ATP8B2: variants seen among roughly 807,000 people sequenced by gnomAD.
ATP8B2 encodes the protein ATPase phospholipid transporting 8B2, also known as phospholipid-transporting ATPase ID.
A neutral mutation model predicts 133.4 loss-of-function variants in ATP8B2; 70 were observed. The ratio of observed to expected loss-of-function variants is 0.52; its 90% CI spans 0.43 to 0.64. ATP8B2 has a LOEUF of 0.64. ATP8B2 is among the 30% of genes least tolerant of loss of function. ATP8B2 has a pLI of 0.00. For synonymous variants in ATP8B2, 517 were observed against 589.5 expected (o/e 0.88, Z 1.78); for missense variants, 1,101 against 1,535.7 (o/e 0.72, Z 4.73).
At position 154,343,859 on chromosome 1, in the gene ATP8B2, C is replaced by T. The variant is rs1686484428; in HGVS notation, c.1759-34C>T. 1 of 1,578,150 alleles carries T rather than the reference C, an allele frequency of 6.3e-7. No homozygotes were observed. Among genetic ancestry groups the T allele is most frequent in the Non-Finnish European group, 8.6e-7 (1 of 1,162,400 alleles). On this transcript the variant is annotated intron_variant, in intron 17 of 27. Transcript: ENST00000368489. The surrounding 1 kb of genome is among the most constrained non-coding windows in gnomAD (Gnocchi z 5.8). ...TCACGCTGTCCATTAGCTCTCCAGACTTACCCAGGTGTGCCTTTCCACTCT... is the reference window on the plus strand; with the variant it reads ...TCACGCTGTCCATTAGCTCTCCAGATTTACCCAGGTGTGCCTTTCCACTCT...
chr1:154,330,437 G>A lies in ATP8B2; in HGVS notation c.73G>A (p.Glu25Lys), dbSNP rs1304333023. The A allele has an allele frequency of 6.2e-7, 1 of 1,604,304 alleles. No individual in the cohort carries two copies. Among genetic ancestry groups the A allele is most frequent in the Non-Finnish European group, 8.5e-7 (1 of 1,174,840 alleles). ...RARANDREYNEKFQYASNCIK... is the reference protein window; with the variant it reads ...RARANDREYNKKFQYASNCIK... ...GCGGGCTAATGACCGAGAATACAATGAGAAATTCCAGTATGCGGTAAGCGA... is the reference window on the plus strand; with the variant it reads ...GCGGGCTAATGACCGAGAATACAATAAGAAATTCCAGTATGCGGTAAGCGA... The change falls in exon 3 of 28, where the codon GAG (glutamate) becomes AAG (lysine). Residue 25 changes from glutamate to lysine, a missense_variant. Physicochemically the swap from Glu to Lys is moderately conservative, Grantham distance 56. Coordinates refer to ENST00000368489, the MANE Select transcript of ATP8B2 (RefSeq NM_001370597.1).
Position 154,344,758 on chromosome 1 carries a change from C to T in ATP8B2, c.2259C>T (p.Tyr753=), listed in dbSNP as rs757088821. ...TCCTGGAGGCCGTTGCTGGGGAGTA[C>T]GCCCTGGTCATAAATGGTCACAGCC... is the stretch of plus-strand genomic sequence containing the variant. The part of the protein sequence containing the change: ...TSVLEAVAGE[Y]ALVINGHSLA... The change falls in exon 21 of 28, where the codon TAC becomes TAT. Residue 753 remains tyrosine (Y), a synonymous_variant. Transcript: ENST00000368489. This position sits in a 1 kb window ranked among gnomAD's most constrained non-coding sequence, Gnocchi z 4.1. 19 of 1,604,964 alleles carry T rather than the reference C, an allele frequency of 1.2e-5. No individual in the cohort carries two copies. Among genetic ancestry groups the T allele is most frequent in the South Asian group, 2.2e-5 (2 of 90,872 alleles).
At position 154,331,501 on chromosome 1, in the gene ATP8B2, G is replaced by A. The variant is rs1397256524; in HGVS notation, c.361G>A (p.Gly121Arg). ...NNRQSQVLINGILQQEQWMNV... is the reference protein window; with the variant it reads ...NNRQSQVLINRILQQEQWMNV... The stretch of plus-strand genomic sequence containing the variant: ...CCGCCAGTCTCAGGTGCTGATCAAT[G>A]GAATGTGAGTGCCTGTTGGAGACAA... Residue 121 changes from glycine (G) to arginine (R), a missense_variant, in exon 6 of 28, where the codon GGA becomes AGA. Coordinates refer to ENST00000368489, the MANE Select transcript of ATP8B2 (RefSeq NM_001370597.1). This position sits in a 1 kb window ranked among gnomAD's most constrained non-coding sequence, Gnocchi z 4.8. The A allele has an allele frequency of 1.9e-6, 3 of 1,614,030 alleles. No homozygotes were observed. Among genetic ancestry groups the A allele is most frequent in the Non-Finnish European group, 2.5e-6 (3 of 1,180,022 alleles).
Position 154,350,815 on chromosome 1 carries a change from TC to T in ATP8B2, c.*1698del, listed in dbSNP as rs1384686507. 1 of 152,384 alleles carries T rather than the reference TC, an allele frequency of 6.6e-6. No homozygotes were observed. The highest frequency in any genetic ancestry group is 1.5e-5 in the Non-Finnish European group (1 of 68,030). The allele number at this position is 152,384 out of a possible 1,614,324, so 9.4% of individuals were successfully genotyped here. A position where few individuals can be genotyped will look rare whatever the true frequency, so the allele number is the denominator to read the frequency against. ...AGCCTTGAGAAGAATCCTTTCCTCT[TC>T]TTTGATAGTGGGTCGGGGGATTCTT... On this transcript the variant is annotated 3_prime_UTR_variant, in exon 28 of 28. Transcript: ENST00000368489.
rs1685947501 is a variant in ATP8B2 at position 154,330,513 on chromosome 1, G to A, written c.90+59G>A. 2.5e-6 allele frequency: 4 copies of A among 1,575,684 alleles called. No individual in the cohort carries two copies. The Admixed American group carries it at 5.1e-5, about 20-fold the overall frequency. ...TGTTTGGAGAGGGGAATGGGGCAAG[G>A]ACAACCTACCGTTGGGACTGAGGGC... is the stretch of plus-strand genomic sequence containing the variant. On this transcript the variant is annotated intron_variant, in intron 3 of 27. Coordinates refer to ENST00000368489, the MANE Select transcript of ATP8B2 (RefSeq NM_001370597.1).
In ATP8B2 at chr1:154,334,061, G is replaced by A; in HGVS notation, c.590-46G>A. 6.2e-7 allele frequency: 1 copy of A among 1,603,508 alleles called. No individual in the cohort carries two copies. Among genetic ancestry groups the A allele is most frequent in the East Asian group, 2.2e-5 (1 of 44,718 alleles). ...CTTTGTTTTATTGTCTTGTGGTTAGGCTGTAGACTGGACCTTAAGCAGTGG... is the reference window on the plus strand; with the variant it reads ...CTTTGTTTTATTGTCTTGTGGTTAGACTGTAGACTGGACCTTAAGCAGTGG... On this transcript the variant is annotated intron_variant, in intron 9 of 27. Transcript: ENST00000368489. The surrounding 1 kb of genome is among the most constrained non-coding windows in gnomAD (Gnocchi z 4.6).
intron 1 of ATP8B2, 176 bp from the exon 2 acceptor site, chr1:154,327,929 G>T: frequency 6.4e-7 from 1 of 1,562,278 alleles, no homozygotes; most frequent in Middle Eastern, 1.7e-4. Flanking sequence ...GAGGTGGTGG[G>T]GAAGTCCCCT....
chr1:154,335,822 G>A (rs1376876272), intron 11 of ATP8B2, among the ~76,000 whole-genome samples: 1 of 151,784 alleles, frequency 6.6e-6, no homozygotes, highest in Non-Finnish European at 1.5e-5. Flanking sequence ...GGTGGATCAC[G>A]AGGTCAAGAG....
intron 11 of ATP8B2, among the ~76,000 whole-genome samples, chr1:154,337,037 A>T (rs1254348269): frequency 2.0e-5 from 3 of 151,434 alleles, no homozygotes; most frequent in Non-Finnish European, 4.4e-5. Context: ...ACCTCAGGTG[A>T]TCCATCCGCC....
rs1686663994 is a variant in ATP8B2, at chr1:154,348,388, T to C, written c.3164-20T>C. ...TCTGCCTCGTGACTCCCAAGGCCAC[T>C]GACTCCTCTTCATCCCCAGGGAATG... On this transcript the variant is annotated intron_variant, in intron 26 of 27. Coordinates refer to ENST00000368489, the MANE Select transcript of ATP8B2 (RefSeq NM_001370597.1). The C allele has an allele frequency of 1.3e-6, 2 of 1,590,932 alleles. No individual in the cohort carries two copies. Among genetic ancestry groups the C allele is most frequent in the Admixed American group, 1.7e-5 (1 of 59,372 alleles).
intron 11 of ATP8B2, among the ~76,000 whole-genome samples, chr1:154,335,998 C>T (rs1434889099): frequency 2.1e-5 from 3 of 144,960 alleles, no homozygotes; most frequent in East Asian, 4.2e-4. Flanking sequence ...GCCGAGGTCG[C>T]GCCACTGCAC....
rs1480997017 is a variant in ATP8B2 at position 154,328,014 on chromosome 1, C to T, written c.-37-91C>T. 6.6e-7 allele frequency: 1 copy of T among 1,514,746 alleles called. No individual in the cohort carries two copies. The highest frequency in any genetic ancestry group is 9.2e-7 in the Non-Finnish European group (1 of 1,089,896). 93.8% of individuals were successfully genotyped at this position (1,514,746 alleles called of 1,614,324 possible). On this transcript the variant is annotated intron_variant, in intron 1 of 27. Coordinates refer to ENST00000368489, the MANE Select transcript of ATP8B2 (RefSeq NM_001370597.1). The surrounding 1 kb of genome is among the most constrained non-coding windows in gnomAD (Gnocchi z 4.6). ...GGCTGGGGGAGGGGCAGGGTCAGAG[C>T]TGGAGAAGAGGGTCTTCAAAAGAGG...
rs1018817287 is a variant in ATP8B2, at chr1:154,325,562, G to C, written c.-178G>C. On this transcript the variant is annotated 5_prime_UTR_variant, in exon 1 of 28. Transcript: ENST00000368489. ...CCGTGGCCGAAACTGACACAAAGTA[G>C]CGGGCCGAGGCCCCGGGGGAGCGGG... is the stretch of plus-strand genomic sequence containing the variant. The C allele has an allele frequency of 2.6e-5, 4 of 151,974 alleles. No homozygotes were observed. Among genetic ancestry groups the C allele is most frequent in the African/African-American group, 9.7e-5 (4 of 41,436 alleles). 9.4% of individuals were successfully genotyped at this position (151,974 alleles called of 1,614,324 possible).
rs1238758731 is a variant in ATP8B2, at chr1:154,350,715, C to T, written c.*1597C>T. 1 of 152,372 alleles carries T rather than the reference C, an allele frequency of 6.6e-6. No homozygotes were observed. The highest frequency in any genetic ancestry group is 2.4e-5 in the African/African-American group (1 of 41,474). The allele number at this position is 152,372 out of a possible 1,614,324, so 9.4% of individuals were successfully genotyped here. A position where few individuals can be genotyped will look rare whatever the true frequency, so the allele number is the denominator to read the frequency against. ...GACACTGTCAGAGTTTGGCCACAGC[C>T]TGTCCTTTACTTCATCCACACCTAT... is the stretch of plus-strand genomic sequence containing the variant. On this transcript the variant is annotated 3_prime_UTR_variant, in exon 28 of 28. Coordinates refer to ENST00000368489, the MANE Select transcript of ATP8B2 (RefSeq NM_001370597.1).
In ATP8B2 at chr1:154,346,872, A is replaced by T; in HGVS notation, c.3163+114A>T. On this transcript the variant is annotated intron_variant, in intron 26 of 27. Coordinates refer to ENST00000368489, the MANE Select transcript of ATP8B2 (RefSeq NM_001370597.1). The surrounding 1 kb of genome is among the most constrained non-coding windows in gnomAD (Gnocchi z 4.5). ...TTCTTATGTGCCAAGTATTCTGTTT[A>T]TTTTATTTATTTATTTATTTATTTT... 3.0e-6 allele frequency: 3 copies of T among 1,009,894 alleles called. No individual in the cohort carries two copies. The highest frequency in any genetic ancestry group is 3.2e-5 in the Admixed American group (1 of 30,862). 62.6% of individuals were successfully genotyped at this position (1,009,894 alleles called of 1,614,324 possible). A position where few individuals can be genotyped will look rare whatever the true frequency, so the allele number is the denominator to read the frequency against.
At chr1:154,330,251 T>C (rs1370163821) in intron 2 of ATP8B2, 145 bp from the exon 3 acceptor site, 2 of 650,690 alleles carry the variant, frequency 3.1e-6, no homozygotes, top group Non-Finnish European at 5.4e-6. Context: ...AGAGGTGGAC[T>C]GGAGGGAAGA....
At chr1:154,336,483 ATTT>A (rs10708729) in intron 11 of ATP8B2, among the ~76,000 whole-genome samples, 49,246 of 125,752 alleles carry the variant, frequency 0.39, 10,227 homozygotes, top group East Asian at 0.62. Context: ...AATCTCATAA[ATTT>A]TTTTTTTTTT....
chr1:154,330,303 G>T, intron 2 of ATP8B2, 93 bp from the exon 3 acceptor site: 1 of 1,130,410 alleles, frequency 8.8e-7, no homozygotes, highest in Non-Finnish European at 1.3e-6. Flanking sequence ...TCCTTAAAAT[G>T]ATATTCTGTG....
chr1:154,341,204 GC>G, intron 13 of ATP8B2, 142 bp downstream of exon 13: 1 of 857,880 alleles, frequency 1.2e-6, no homozygotes, highest in Non-Finnish European at 1.9e-6. Context: ...GTCCATCCTG[GC>G]CAGGCACGGT....
Sources: gnomAD v4.1 joint callset for allele counts (sites outside exome capture counted in the v4.1 genomes callset) on GRCh38, gnomAD v4.1.1 for gene constraint, Gnocchi (gnomAD v3.1) non-coding constraint, MANE v1.5 for transcripts, NCBI Gene and HGNC (gene_info 2026-07-23, HGNC 2026-07-21) for gene names.